The following SPATA6L variants were observed in gnomAD, a reference collection of about 807,000 sequenced individuals.
The protein encoded by SPATA6L is spermatogenesis associated 6-like protein.
In SPATA6L, 68 loss-of-function variants were observed where a neutral mutation model predicts 49.2. That is an observed-to-expected ratio of 1.38 (90% CI 1.14 to 1.69). The LOEUF is 1.69. Ranked by LOEUF, SPATA6L falls within the 40% of genes most tolerant of loss-of-function variation. The pLI is 0.00. For synonymous variants in SPATA6L, 198 were observed against 165.7 expected (o/e 1.19, Z -1.50); for missense variants, 668 against 464.3 (o/e 1.44, Z -4.03).
intron 2 of SPATA6L, among the ~76,000 whole-genome samples, chr9:4,659,006 T>C (rs1197307090): frequency 1.3e-5 from 2 of 148,362 alleles, no homozygotes; most frequent in African/African-American, 5.0e-5. Context: ...ATATAACTAA[T>C]AAGAAAATTA....
chr9:4,635,318 C>G lies in SPATA6L; in HGVS notation c.308G>C (p.Arg103Thr). The G allele has an allele frequency of 6.3e-7, 1 of 1,586,082 alleles. No homozygotes were observed. The highest frequency in any genetic ancestry group is 8.5e-7 in the Non-Finnish European group (1 of 1,170,204). Residue 103 changes from arginine to threonine, a missense_variant, in exon 4 of 12, where the codon AGG becomes ACG. Transcript: ENST00000682582. ...CTTCATGAGCACCTCCCTACACCTCCTAGGGTGCGAAGGTGTCAGCTTGGG... is the reference window on the plus strand; with the variant it reads ...CTTCATGAGCACCTCCCTACACCTCGTAGGGTGCGAAGGTGTCAGCTTGGG... ...PEPKLTPSHP[R>T]RCREVLMKTA...
At chr9:4,607,061 G>T (rs200997514) in intron 9 of SPATA6L, among the ~76,000 whole-genome samples, 2,723 of 151,176 alleles carry the variant, frequency 0.018, 43 homozygotes, top group South Asian at 0.052. Context: ...AAGATGAAAT[G>T]AATGAAATGA....
At chr9:4,623,124 AC>A (rs1272687753) in intron 6 of SPATA6L, among the ~76,000 whole-genome samples, 1 of 152,178 alleles carries the variant, frequency 6.6e-6, no homozygotes, top group Non-Finnish European at 1.5e-5. Context: ...TACTAAAAAT[AC>A]AAAAATTAGC....
At chr9:4,624,379 C>T (rs1387565587) in intron 6 of SPATA6L, among the ~76,000 whole-genome samples, 1 of 152,090 alleles carries the variant, frequency 6.6e-6, no homozygotes, top group Non-Finnish European at 1.5e-5. Flanking sequence ...GCTGGTGACC[C>T]AATGGATAAA....
At chr9:4,649,579 A>T (rs1243045930) in intron 3 of SPATA6L, among the ~76,000 whole-genome samples, 1 of 152,228 alleles carries the variant, frequency 6.6e-6, no homozygotes, top group Admixed American at 6.5e-5. Context: ...GCTGTATTTG[A>T]ACCCAAGTAG....
intron 2 of SPATA6L, among the ~76,000 whole-genome samples, chr9:4,661,048 G>C (rs1037928375): frequency 2.0e-5 from 3 of 152,168 alleles, no homozygotes; most frequent in Admixed American, 6.5e-5. Context: ...GGGGGAATGA[G>C]TTAATGGGTG....
chr9:4,621,714 C>T (rs1829345495), intron 7 of SPATA6L, among the ~76,000 whole-genome samples: 1 of 152,182 alleles, frequency 6.6e-6, no homozygotes, highest in African/African-American at 2.4e-5. Flanking sequence ...TCTCAAACTC[C>T]CAACCTCAGG....
chr9:4,604,219 AG>A lies in SPATA6L; in HGVS notation c.1139del (p.Pro380LeufsTer2). On this transcript the variant is annotated frameshift_variant, in exon 11 of 12. Transcript: ENST00000682582. LOFTEE classifies it high-confidence loss of function. Reference protein sequence around the residue: ...VNYIIERPSYPLKKYSLHEQR... With the variant: ...VNYIIERPSYXLKKYSLHEQR... Reference sequence around the variant, plus strand: ...GTTCATGCAGTGAGTATTTCTTCAGAGGGTAGCTTGGTCTTTCAATGATATA... The same window carrying A: ...GTTCATGCAGTGAGTATTTCTTCAGAGGTAGCTTGGTCTTTCAATGATATA... 1 of 1,612,440 alleles carries A rather than the reference AG, an allele frequency of 6.2e-7. No homozygotes were observed. The highest frequency in any genetic ancestry group is 8.5e-7 in the Non-Finnish European group (1 of 1,178,982).
At chr9:4,591,637 G>T (rs931765183) in intron 13 of SPATA6L, among the ~76,000 whole-genome samples, 1 of 152,218 alleles carries the variant, frequency 6.6e-6, no homozygotes, top group Non-Finnish European at 1.5e-5. Context: ...AGCCAGAAAG[G>T]TTAAGGTAGA....
intron 4 of SPATA6L, among the ~76,000 whole-genome samples, chr9:4,631,212 T>C (rs2130522022): frequency 6.6e-6 from 1 of 152,318 alleles, no homozygotes; most frequent in South Asian, 2.1e-4. Context: ...TCAGAGACTA[T>C]ATCTCATCCA....
At chr9:4,646,378 G>T (rs1300729125) in intron 3 of SPATA6L, 64 of 626,830 alleles carry the variant, frequency 1.0e-4, no homozygotes, top group Non-Finnish European at 1.3e-5. Context: ...ACATAAAGTT[G>T]TATGTTATTT....
At chr9:4,655,398 G>A (rs555741240) in intron 3 of SPATA6L, among the ~76,000 whole-genome samples, 3 of 152,306 alleles carry the variant, frequency 2.0e-5, no homozygotes, top group Non-Finnish European at 2.9e-5. Flanking sequence ...GTGGGGAATA[G>A]GGAGTGATTG....
intron 9 of SPATA6L, among the ~76,000 whole-genome samples, chr9:4,608,766 G>T (rs1253389653): frequency 2.0e-5 from 3 of 151,772 alleles, no homozygotes; most frequent in South Asian, 2.1e-4. Flanking sequence ...ACATCCAAAA[G>T]CTAGCAGAAG....
At chr9:4,639,982 C>A (rs1320143610) in intron 3 of SPATA6L, among the ~76,000 whole-genome samples, 10 of 152,164 alleles carry the variant, frequency 6.6e-5, no homozygotes, top group Non-Finnish European at 1.3e-4. Context: ...TAATCTGAGG[C>A]AAAAGTTCTT....
chr9:4,657,764 G>C (rs1358114278), intron 2 of SPATA6L, among the ~76,000 whole-genome samples: 1 of 152,138 alleles, frequency 6.6e-6, no homozygotes, highest in African/African-American at 2.4e-5. Context: ...TCAGCTGGCA[G>C]TTTCTGATAG....
intron 8 of SPATA6L, among the ~76,000 whole-genome samples, chr9:4,618,565 A>G (rs75213239): frequency 0.049 from 7,465 of 152,294 alleles, 282 homozygotes; most frequent in Middle Eastern, 0.088. Context: ...TACCACCTCT[A>G]TGTATAAAAT....
intron 9 of SPATA6L, among the ~76,000 whole-genome samples, chr9:4,611,556 C>A (rs1292480628): frequency 2.7e-5 from 4 of 147,346 alleles, no homozygotes; most frequent in African/African-American, 5.2e-5. Context: ...GAACAAAAAA[C>A]CAAACACCGC....
At chr9:4,635,125 G>C in intron 4 of SPATA6L, 150 bp downstream of exon 4, 3 of 660,640 alleles carry the variant, frequency 4.5e-6, no homozygotes, top group Non-Finnish European at 4.5e-6. Flanking sequence ...AGTATAATTT[G>C]GTACCTTGAG....
At chr9:4,611,500 G>T (rs935784363) in intron 9 of SPATA6L, among the ~76,000 whole-genome samples, 4 of 149,212 alleles carry the variant, frequency 2.7e-5, no homozygotes, top group Admixed American at 2.6e-4. Flanking sequence ...CCTTTGTAGG[G>T]ACACGGATGA....
Sources: gnomAD v4.1 joint callset for allele counts (sites outside exome capture counted in the v4.1 genomes callset) on GRCh38, gnomAD v4.1.1 for gene constraint, MANE v1.5 for transcripts, NCBI Gene and HGNC (gene_info 2026-07-23, HGNC 2026-07-21) for gene names.